Variants in SCN11A observed in about 807,000 individuals in gnomAD.
SCN11A encodes sodium channel protein type 11 subunit alpha.
SCN11A carries 122 observed loss-of-function variants against 162.2 expected under a neutral mutation model. That is an observed-to-expected ratio of 0.75 (90% confidence interval 0.65 to 0.87). SCN11A has a LOEUF of 0.87. Ranked by LOEUF, SCN11A falls within the 40% of genes least tolerant of loss-of-function variation. SCN11A has a pLI of 0.00. For synonymous variants in SCN11A, 758 were observed against 751.5 expected (o/e 1.01, Z -0.14); for missense variants, 2,015 against 2,181.6 (o/e 0.92, Z 1.52).
chr3:38,964,877 C>T (rs1183285168), intron 2 of SCN11A, among the ~76,000 whole-genome samples: 1 of 152,216 alleles, frequency 6.6e-6, no homozygotes, highest in Non-Finnish European at 1.5e-5. Context: ...CTCAAGCTCT[C>T]GATTACTTTA....
rs1002510561 is a variant in SCN11A at position 39,008,261 on chromosome 3, T to A, written c.-280+24119A>T. Among the ~76,000 whole-genome samples the A allele has an allele frequency of 4.4e-4, 67 of 152,146 alleles. 1 individual carries two copies. Among genetic ancestry groups the A allele is most frequent in the Admixed American group, 4.4e-3 (67 of 15,284 alleles). Reference sequence around the variant, plus strand: ...GAAAATCATTTCCAAATTATTATATTAATTCAGCCAAACTCTCAATCAAGT... The same window carrying A: ...GAAAATCATTTCCAAATTATTATATAAATTCAGCCAAACTCTCAATCAAGT... On this transcript the variant is annotated intron_variant, in intron 2 of 29. Transcript: ENST00000302328.
At chr3:38,899,047 A>T (rs1056833375) in intron 17 of SCN11A, among the ~76,000 whole-genome samples, 6 of 152,154 alleles carry the variant, frequency 3.9e-5, no homozygotes, top group African/African-American at 1.4e-4. Flanking sequence ...TAAAAAATAT[A>T]AAATGTACAT....
At chr3:39,042,442 G>T (rs2032069892) in intron 1 of SCN11A, among the ~76,000 whole-genome samples, 1 of 152,144 alleles carries the variant, frequency 6.6e-6, no homozygotes, top group Admixed American at 6.5e-5. Flanking sequence ...AAAATTTCTT[G>T]AGTAATACCT....
At chr3:39,023,097 G>A (rs2031495232) in intron 2 of SCN11A, among the ~76,000 whole-genome samples, 1 of 152,108 alleles carries the variant, frequency 6.6e-6, no homozygotes, top group South Asian at 2.1e-4. Context: ...ACATTTTAGA[G>A]ATACTGACTG....
chr3:39,039,748 C>A (rs894952404), intron 1 of SCN11A, among the ~76,000 whole-genome samples: 2 of 152,158 alleles, frequency 1.3e-5, no homozygotes, highest in South Asian at 4.2e-4. Flanking sequence ...CTGCCTTATG[C>A]ATGGGCACCC....
chr3:38,934,116 G>A (rs2066289572), intron 7 of SCN11A, among the ~76,000 whole-genome samples: 1 of 152,170 alleles, frequency 6.6e-6, no homozygotes, highest in South Asian at 2.1e-4. Flanking sequence ...TTCATATCCA[G>A]ACAAACTAAG....
At chr3:39,013,576 A>G (rs887232190) in intron 2 of SCN11A, among the ~76,000 whole-genome samples, 2 of 152,226 alleles carry the variant, frequency 1.3e-5, no homozygotes, top group Non-Finnish European at 2.9e-5. Context: ...AGAGGCACAA[A>G]CAAGCACAGG....
chr3:38,942,942 C>G (rs1166437914), intron 7 of SCN11A, among the ~76,000 whole-genome samples: 1 of 152,098 alleles, frequency 6.6e-6, no homozygotes, highest in Non-Finnish European at 1.5e-5. Context: ...ATATACTTAT[C>G]GCAGGGCCCA....
At chr3:38,879,687 A>T (rs2065275835) in intron 23 of SCN11A, among the ~76,000 whole-genome samples, 1 of 152,210 alleles carries the variant, frequency 6.6e-6, no homozygotes, top group Admixed American at 6.5e-5. Context: ...GTGCTTATGG[A>T]GAGAAGTGAA....
chr3:38,940,753 A>G (rs1010217412), intron 7 of SCN11A, among the ~76,000 whole-genome samples: 1 of 152,216 alleles, frequency 6.6e-6, no homozygotes, highest in African/African-American at 2.4e-5. Flanking sequence ...TCAAGGCTAG[A>G]GAAAGTGTTT....
chr3:38,925,595 A>C, intron 8 of SCN11A, 86 bp from the exon 9 acceptor site: 43 of 919,096 alleles, frequency 4.7e-5, no homozygotes, highest in Non-Finnish European at 5.5e-5. Flanking sequence ...AAGTAAGCTC[A>C]GCCTGAGGCC....
Position 39,045,653 on chromosome 3 carries a change from A to G in SCN11A, c.-404+6208T>C, listed in dbSNP as rs2032165739. The stretch of plus-strand genomic sequence containing the variant: ...TAAAAAGAACATACCTCAACACAAT[A>G]AAGGCCATATATGACAAACCCACAG... On this transcript the variant is annotated intron_variant, in intron 1 of 29. Transcript: ENST00000302328. Among the ~76,000 whole-genome samples, 6 of 152,318 alleles carry G rather than the reference A, an allele frequency of 3.9e-5. No individual in the cohort carries two copies. The South Asian group carries it at 1.2e-3, about 32-fold the overall frequency.
intron 1 of SCN11A, among the ~76,000 whole-genome samples, chr3:39,042,567 T>A (rs541859727): frequency 6.6e-6 from 1 of 152,142 alleles, no homozygotes; most frequent in South Asian, 2.1e-4. Context: ...GGAGAAAATA[T>A]TAGCAAACTA....
chr3:38,997,791 A>G (rs929098952), intron 2 of SCN11A, among the ~76,000 whole-genome samples: 1 of 152,256 alleles, frequency 6.6e-6, no homozygotes, highest in African/African-American at 2.4e-5. Flanking sequence ...AGAAAGGAGC[A>G]TAGGCCTTAG....
chr3:38,937,354 A>C (rs1401366663), intron 7 of SCN11A, among the ~76,000 whole-genome samples: 1 of 150,244 alleles, frequency 6.7e-6, no homozygotes, highest in East Asian at 1.9e-4. Flanking sequence ...ATGGCAACAA[A>C]AGCCAAAATT....
chr3:38,903,951 A>G lies in SCN11A; in HGVS notation c.1756T>C (p.Cys586Arg). ...AAGAAGACAGTGTTGATGATGATGC[A>G]GATGGTGATGGCCAGCTCAGTAAAC... is the stretch of plus-strand genomic sequence containing the variant. ...DPFTELAITI[C>R]IIINTVFLAM... Residue 586 changes from cysteine (C) to arginine (R), a missense_variant, in exon 16 of 30, where the codon TGC becomes CGC. Transcript: ENST00000302328. The G allele has an allele frequency of 6.2e-7, 1 of 1,614,120 alleles. No homozygotes were observed. The highest frequency in any genetic ancestry group is 1.6e-4 in the Middle Eastern group (1 of 6,062).
intron 28 of SCN11A, among the ~76,000 whole-genome samples, chr3:38,854,008 T>A (rs544162641): frequency 6.6e-6 from 1 of 152,238 alleles, no homozygotes; most frequent in Non-Finnish European, 1.5e-5. Context: ...CAGCAAACCA[T>A]GGCCTATAGG....
At chr3:38,925,905 C>T (rs1329835803) in intron 8 of SCN11A, among the ~76,000 whole-genome samples, 1 of 152,246 alleles carries the variant, frequency 6.6e-6, no homozygotes, top group African/African-American at 2.4e-5. Context: ...GGCAGTGTAG[C>T]TCCAGAGCCA....
chr3:39,007,640 A>G (rs558543696), intron 2 of SCN11A, among the ~76,000 whole-genome samples: 9 of 152,380 alleles, frequency 5.9e-5, no homozygotes, highest in African/African-American at 2.2e-4. Context: ...GTTGGGGAAT[A>G]CATCATTGTG....
Sources: allele counts gnomAD v4.1 joint callset (sites outside exome capture counted in the v4.1 genomes callset), GRCh38; gene constraint gnomAD v4.1.1; transcripts MANE v1.5; gene names NCBI Gene and HGNC (gene_info 2026-07-23, HGNC 2026-07-21).